INTS4: variants seen among roughly 807,000 people sequenced by gnomAD.
INTS4 encodes MSTP093.
In INTS4, 70 loss-of-function variants were observed where a neutral mutation model predicts 119.5. The ratio of observed to expected loss-of-function variants is 0.59; its 90% CI spans 0.48 to 0.71. The LOEUF (loss-of-function observed/expected upper bound fraction) is 0.71. INTS4 is among the 30% of genes least tolerant of loss of function. The pLI is 0.00. For synonymous variants in INTS4, 316 were observed against 419.6 expected, an observed-to-expected ratio of 0.75 and a Z score of 3.02; for missense variants, 867 against 1,173.2, an observed-to-expected ratio of 0.74 and a Z score of 3.81.
chr11:77,915,658 GT>G (rs776434217), intron 15 of INTS4, among the ~76,000 whole-genome samples: 5 of 152,086 alleles, frequency 3.3e-5, no homozygotes, highest in Non-Finnish European at 4.4e-5. Flanking sequence ...AAGTCACCAA[GT>G]CCCCCAGGTG....
At chr11:77,932,430 T>G (rs1953674218) in intron 10 of INTS4, among the ~76,000 whole-genome samples, 1 of 152,186 alleles carries the variant, frequency 6.6e-6, no homozygotes, top group Non-Finnish European at 1.5e-5. Context: ...CCAGTTAGAA[T>G]GGCGATCATT....
chr11:77,961,896 G>T (rs1433156579), intron 4 of INTS4, among the ~76,000 whole-genome samples: 1 of 152,136 alleles, frequency 6.6e-6, no homozygotes, highest in Non-Finnish European at 1.5e-5. Context: ...CCAGTCTTTG[G>T]CTATTTCGAA....
intron 10 of INTS4, among the ~76,000 whole-genome samples, chr11:77,931,986 C>T (rs1458922839): frequency 2.6e-5 from 4 of 152,044 alleles, no homozygotes; most frequent in African/African-American, 9.7e-5. Flanking sequence ...CCATAAAAAC[C>T]CTAGAAGAAA....
Position 77,994,637 on chromosome 11 carries a change from C to T in INTS4, c.7G>A (p.Ala3Thr). MA[A>T]HLKKRVYEEF... ...TCATAAACCCGCTTCTTAAGGTGCG[C>T]CGCCATGCCTACCCGCGGGCCCTCT... Residue 3 changes from alanine (A) to threonine (T), a missense_variant, in exon 1 of 23, where the codon GCG becomes ACG. Physicochemically the swap from Ala to Thr is moderately conservative, Grantham distance 58. Transcript: ENST00000534064. 1 of 1,614,166 alleles carries T rather than the reference C, an allele frequency of 6.2e-7. No individual in the cohort carries two copies. The highest frequency in any genetic ancestry group is 8.5e-7 in the Non-Finnish European group (1 of 1,180,020).
At chr11:77,991,041 T>C in intron 2 of INTS4, 67 bp downstream of exon 2, 1 of 1,362,796 alleles carries the variant, frequency 7.3e-7, no homozygotes, top group Non-Finnish European at 1.0e-6. Context: ...TTTGTAATAT[T>C]AACCATTCTG....
chr11:77,883,957 A>T lies in INTS4; in HGVS notation c.2593-5T>A. On this transcript the variant is annotated splice_region_variant and splice_polypyrimidine_tract_variant and intron_variant, in intron 21 of 22. Transcript: ENST00000534064. ...CTGGCCATCTGGATATAAGACCTAAAGGGTGACAGAAATGAGAAAAAGGCA... is the reference window on the plus strand; with the variant it reads ...CTGGCCATCTGGATATAAGACCTAATGGGTGACAGAAATGAGAAAAAGGCA... 1 of 1,612,180 alleles carries T rather than the reference A, an allele frequency of 6.2e-7. No homozygotes were observed. Among genetic ancestry groups the T allele is most frequent in the Non-Finnish European group, 8.5e-7 (1 of 1,178,972 alleles).
intron 4 of INTS4, among the ~76,000 whole-genome samples, chr11:77,973,369 C>A (rs1248788416): frequency 6.6e-6 from 1 of 152,096 alleles, no homozygotes; most frequent in Non-Finnish European, 1.5e-5. Context: ...GAGAATTTTA[C>A]TTTTTCTTTT....
At chr11:77,922,229 A>C (rs1226048924) in intron 13 of INTS4, 127 bp downstream of exon 13, 12 of 13,722 alleles carry the variant, frequency 8.7e-4, no homozygotes, top group African/African-American at 2.4e-3. Flanking sequence ...CTCTGTCTTC[A>C]AAAAAAAAAA....
Position 77,899,590 on chromosome 11 carries a change from A to G in INTS4, c.2228+1831T>C, listed in dbSNP as rs1388687838. Among the ~76,000 whole-genome samples the G allele has an allele frequency of 1.2e-3, 183 of 151,810 alleles. 1 individual carries two copies. The highest frequency in any genetic ancestry group is 4.4e-3 in the African/African-American group (181 of 41,190). On this transcript the variant is annotated intron_variant, in intron 18 of 22. Transcript: ENST00000534064. Reference sequence around the variant, plus strand: ...GAGGCTGAGGCAGGAGAATCGCTTGAACCCAGGAGGCAGAGGTTGCAGTGA... The same window carrying G: ...GAGGCTGAGGCAGGAGAATCGCTTGGACCCAGGAGGCAGAGGTTGCAGTGA...
intron 8 of INTS4, among the ~76,000 whole-genome samples, chr11:77,949,876 C>CA (rs1954145374): frequency 6.6e-6 from 1 of 152,092 alleles, no homozygotes; most frequent in Admixed American, 6.5e-5. Context: ...GGTATATACC[C>CA]AAAGGATTAT....
chr11:77,882,219 A>G (rs1565220195), intron 22 of INTS4, among the ~76,000 whole-genome samples: 2 of 152,298 alleles, frequency 1.3e-5, no homozygotes, highest in African/African-American at 4.8e-5. Context: ...GTGATCTTGT[A>G]TAAGTTAAAA....
At chr11:77,953,522 T>C (rs1954245124) in intron 8 of INTS4, among the ~76,000 whole-genome samples, 1 of 151,948 alleles carries the variant, frequency 6.6e-6, no homozygotes, top group Non-Finnish European at 1.5e-5. Context: ...GTAACACAGA[T>C]ATAAAATAAG....
intron 8 of INTS4, among the ~76,000 whole-genome samples, chr11:77,945,646 C>A (rs1308109707): frequency 6.6e-6 from 1 of 152,188 alleles, no homozygotes; most frequent in Non-Finnish European, 1.5e-5. Flanking sequence ...TTACCCAACA[C>A]CCCTGTTCCA....
rs1308459033 is a variant in INTS4, at chr11:77,938,784, A to G, written c.1032T>C (p.Ser344=). ...TTCTGCCACTGGAAAACTCCCCCGA[A>G]CTGTAAAGTTCCTTGGCACGCTCAT... ...TAHERAKELY[S]SGEFSSGRKW... is the part of the protein sequence containing the mutation. The change falls in exon 10 of 23, where the codon AGT becomes AGC. Residue 344 remains serine, a synonymous_variant. Coordinates refer to ENST00000534064, the MANE Select transcript of INTS4 (RefSeq NM_033547.4). 1.9e-6 allele frequency: 3 copies of G among 1,611,880 alleles called. No individual in the cohort carries two copies. The highest frequency in any genetic ancestry group is 2.7e-5 in the African/African-American group (2 of 74,846).
At chr11:77,922,632 G>C (rs1416754496) in intron 12 of INTS4, 161 bp from the exon 13 acceptor site, 1 of 992,812 alleles carries the variant, frequency 1.0e-6, no homozygotes, top group African/African-American at 1.6e-5. Flanking sequence ...AGTTATTCTG[G>C]AACTCGGTTA....
intron 22 of INTS4, among the ~76,000 whole-genome samples, chr11:77,881,146 C>T (rs1385315530): frequency 1.3e-5 from 2 of 152,172 alleles, no homozygotes; most frequent in African/African-American, 4.8e-5. Context: ...TCTAGGATAA[C>T]TCAAGCAACT....
At chr11:77,920,194 T>TACATATATAACAC (rs1565244634) in intron 14 of INTS4, among the ~76,000 whole-genome samples, 99 of 138,800 alleles carry the variant, frequency 7.1e-4, no homozygotes, top group Middle Eastern at 3.8e-3. Context: ...CACATATATA[T>TACATATATAACAC]ACATATATAT....
intron 1 of INTS4, 44 bp downstream of exon 1, chr11:77,994,546 A>G (rs1402458643): frequency 6.8e-7 from 1 of 1,464,342 alleles, no homozygotes; most frequent in African/African-American, 1.4e-5. Context: ...TGGATAATCT[A>G]CCCTGGTCCG....
At chr11:77,897,508 ATTT>A (rs977241174) in intron 18 of INTS4, among the ~76,000 whole-genome samples, 1 of 148,364 alleles carries the variant, frequency 6.7e-6, no homozygotes, top group African/African-American at 2.5e-5. Flanking sequence ...TATTATTATT[ATTT>A]TTTTTTTGAG....
Sources: allele counts gnomAD v4.1 joint callset (sites outside exome capture counted in the v4.1 genomes callset), GRCh38; gene constraint gnomAD v4.1.1; transcripts MANE v1.5; gene names NCBI Gene and HGNC (gene_info 2026-07-23, HGNC 2026-07-21).